EPM2A: variants seen among roughly 807,000 people sequenced by gnomAD.
EPM2A encodes EPM2A glucan phosphatase, laforin.
In EPM2A, 21 loss-of-function variants were observed where a neutral mutation model predicts 26.5. That is an observed-to-expected ratio of 0.79 (90% CI 0.56 to 1.14). The LOEUF (loss-of-function observed/expected upper bound fraction) is 1.14, where lower values mean the gene tolerates loss of function less well. Among genes scored for constraint, EPM2A ranks in the 50% most tolerant of loss-of-function variants. The pLI is 0.00. For missense variants in EPM2A, 458 were observed against 440.8 expected, an observed-to-expected ratio of 1.04 and a Z score of -0.35; for synonymous variants, 217 against 177.6, an observed-to-expected ratio of 1.22 and a Z score of -1.76.
chr6:145,661,910 T>C (rs1371737971), intron 2 of EPM2A, among the ~76,000 whole-genome samples: 2 of 152,154 alleles, frequency 1.3e-5, no homozygotes, highest in Non-Finnish European at 2.9e-5. Flanking sequence ...TTTGCTTTCT[T>C]TGGAAAGATC....
intron 4 of EPM2A, among the ~76,000 whole-genome samples, chr6:145,495,011 A>T (rs1235447085): frequency 6.6e-6 from 1 of 152,154 alleles, no homozygotes; most frequent in African/African-American, 2.4e-5. Flanking sequence ...GGTCCCTTTG[A>T]TCCAGACCTG....
intron 2 of EPM2A, among the ~76,000 whole-genome samples, chr6:145,650,755 A>G (rs1411081663): frequency 6.6e-6 from 1 of 152,022 alleles, no homozygotes; most frequent in Non-Finnish European, 1.5e-5. Flanking sequence ...TACTTTTATC[A>G]CTCTCAGATT....
intron 2 of EPM2A, among the ~76,000 whole-genome samples, chr6:145,647,472 C>A (rs1777563356): frequency 6.6e-6 from 1 of 152,136 alleles, no homozygotes; most frequent in South Asian, 2.1e-4. Context: ...TTATACATAC[C>A]TTTGTAAAGA....
Position 145,480,182 on chromosome 6 carries a change from A to G in EPM2A, c.555+22340T>C, listed in dbSNP as rs929098300. Reference sequence around the variant, plus strand: ...CTACCTAAGACTGGGTAATTTATTTAAAAAAAAAAGAGGTTTGACTCACAG... The same window carrying G: ...CTACCTAAGACTGGGTAATTTATTTGAAAAAAAAAGAGGTTTGACTCACAG... On this transcript the variant is annotated intron_variant, in intron 4 of 4. Coordinates refer to the EPM2A transcript ENST00000638717. Among the ~76,000 whole-genome samples, 13 of 139,344 alleles carry G rather than the reference A, an allele frequency of 9.3e-5. No homozygotes were observed. In the South Asian group the frequency reaches 1.3e-3, roughly 14 times the overall value. 91.4% of individuals were successfully genotyped at this position (139,344 alleles called of 152,430 possible). A position where few individuals can be genotyped will look rare whatever the true frequency, so the allele number is the denominator to read the frequency against.
chr6:145,519,393 T>C (rs1780174240), intron 2 of EPM2A, among the ~76,000 whole-genome samples: 1 of 152,152 alleles, frequency 6.6e-6, no homozygotes, highest in Non-Finnish European at 1.5e-5. Context: ...GATGATTAAA[T>C]GCCCCTGAGA....
Position 145,635,266 on chromosome 6 carries a change from T to C in EPM2A, c.697A>G (p.Thr233Ala). ...EEGLAYIWMP[T>A]PDMSTEGRVQ... ...TTACCTTCGGTGCTCATATCTGGTG[T>C]TGGCATCCAGATGTAGGCCAAGCCT... The change falls in exon 3 of 4, where the codon ACA becomes GCA. Residue 233 changes from threonine (T) to alanine (A), a missense_variant. Transcript: ENST00000367519. 6.2e-7 allele frequency: 1 copy of C among 1,614,120 alleles called. No homozygotes were observed.
At chr6:145,633,937 C>T (rs569358457) in intron 3 of EPM2A, 49 of 152,310 alleles carry the variant, frequency 3.2e-4, no homozygotes, top group African/African-American at 1.2e-3. Flanking sequence ...TGGGCAATAA[C>T]TTTTTCATGC....
chr6:145,461,970 A>G (rs1004831832), intron 4 of EPM2A, among the ~76,000 whole-genome samples: 1 of 152,162 alleles, frequency 6.6e-6, no homozygotes, highest in Non-Finnish European at 1.5e-5. Context: ...CAGTATGCAA[A>G]AGCGTAAGCT....
chr6:145,691,074 T>C (rs1346212575), intron 1 of EPM2A, among the ~76,000 whole-genome samples: 1 of 151,368 alleles, frequency 6.6e-6, no homozygotes, highest in Non-Finnish European at 1.5e-5. Flanking sequence ...GAAAAGATAG[T>C]AGGGCTTAAA....
chr6:145,559,821 T>C (rs957524120), intron 2 of EPM2A, among the ~76,000 whole-genome samples: 8 of 152,008 alleles, frequency 5.3e-5, no homozygotes, highest in Non-Finnish European at 1.2e-4. Context: ...CCAACAATTA[T>C]AGTAAGCACA....
At chr6:145,393,819 AT>A (rs767790639) in intron 4 of EPM2A, among the ~76,000 whole-genome samples, 1 of 148,400 alleles carries the variant, frequency 6.7e-6, no homozygotes, top group African/African-American at 2.5e-5. Context: ...ACCTATGACT[AT>A]TTTTTTTTCT....
chr6:145,526,946 C>T (rs550547515), intron 2 of EPM2A, among the ~76,000 whole-genome samples: 2 of 152,078 alleles, frequency 1.3e-5, no homozygotes, highest in East Asian at 1.9e-4. Flanking sequence ...TTTCTTAATA[C>T]TGCTTTTGCT....
At chr6:145,458,080 T>C (rs1236144017) in intron 4 of EPM2A, among the ~76,000 whole-genome samples, 1 of 152,232 alleles carries the variant, frequency 6.6e-6, no homozygotes, top group Non-Finnish European at 1.5e-5. Flanking sequence ...TACACTCACC[T>C]ATGTGGAAAG....
chr6:145,645,444 A>G (rs1234662322), intron 2 of EPM2A, among the ~76,000 whole-genome samples: 1 of 152,090 alleles, frequency 6.6e-6, no homozygotes, highest in African/African-American at 2.4e-5. Flanking sequence ...GTAGGACTAC[A>G]GGCATGTGTC....
intron 4 of EPM2A, among the ~76,000 whole-genome samples, chr6:145,434,047 CT>C (rs893849149): frequency 1.1e-4 from 16 of 151,938 alleles, no homozygotes; most frequent in Middle Eastern, 3.4e-3. Flanking sequence ...ATTTTACCCT[CT>C]TTTTTTGTGA....
chr6:145,642,386 A>T (rs1448209053), intron 2 of EPM2A, among the ~76,000 whole-genome samples: 1 of 152,234 alleles, frequency 6.6e-6, no homozygotes, highest in Non-Finnish European at 1.5e-5. Flanking sequence ...AAAATTAAAT[A>T]CGTGACTTTT....
intron 2 of EPM2A, among the ~76,000 whole-genome samples, chr6:145,611,479 A>C (rs1775390437): frequency 6.6e-6 from 1 of 151,976 alleles, no homozygotes; most frequent in Non-Finnish European, 1.5e-5. Context: ...AATATTCAAA[A>C]ATTTCCTGTG....
chr6:145,714,315 G>T (rs542689051), intron 1 of EPM2A, among the ~76,000 whole-genome samples: 2 of 152,288 alleles, frequency 1.3e-5, no homozygotes, highest in East Asian at 3.9e-4. Flanking sequence ...TATGCAGTAA[G>T]CCCTCAATTA....
At chr6:145,395,298 G>T (rs1778389878) in intron 4 of EPM2A, among the ~76,000 whole-genome samples, 1 of 152,120 alleles carries the variant, frequency 6.6e-6, no homozygotes, top group South Asian at 2.1e-4. Context: ...TAAAAGGTCA[G>T]TTGGCCTCAC....
Sources: gnomAD v4.1 joint callset for allele counts (sites outside exome capture counted in the v4.1 genomes callset) on GRCh38, gnomAD v4.1.1 for gene constraint, MANE v1.5 for transcripts, NCBI Gene and HGNC (gene_info 2026-07-23, HGNC 2026-07-21) for gene names.